CA12: variants seen among roughly 807,000 people sequenced by gnomAD.
CA12 encodes the protein carbonate dehydratase XII.
Under a neutral mutation model 46.8 loss-of-function variants are expected in CA12, and 36 were observed. The ratio of observed to expected loss-of-function variants is 0.77; its 90% CI spans 0.59 to 1.02. CA12 has a LOEUF of 1.02. Ranked by LOEUF, CA12 falls within the 50% of genes least tolerant of loss-of-function variation. The pLI, the probability that CA12 is intolerant of heterozygous loss-of-function variation, is 0.00. For synonymous variants in CA12, 202 were observed against 187.0 expected (o/e 1.08, Z -0.65); for missense variants, 436 against 451.4 (o/e 0.97, Z 0.31).
rs904387255 is a variant in CA12, at chr15:63,329,884, G to A, written c.875-1754C>T. 1.3e-4 allele frequency among the ~76,000 whole-genome samples: 20 copies of A among 152,294 alleles called. No homozygotes were observed. Among genetic ancestry groups the A allele is most frequent in the South Asian group, 8.3e-4 (4 of 4,826 alleles). ...GCTGATTCCCCAGGAGCCATCAGCCGTGTGCTTTTCCGATTGTCTTTTTCT... is the reference window on the plus strand; with the variant it reads ...GCTGATTCCCCAGGAGCCATCAGCCATGTGCTTTTCCGATTGTCTTTTTCT... On this transcript the variant is annotated intron_variant, in intron 8 of 10. Coordinates refer to ENST00000178638, the MANE Select transcript of CA12 (RefSeq NM_001218.5). The surrounding 1 kb of genome is among the most constrained non-coding windows in gnomAD (Gnocchi z 4.8).
intron 4 of CA12, among the ~76,000 whole-genome samples, chr15:63,343,501 G>A (rs1325919099): frequency 1.3e-5 from 2 of 151,740 alleles, no homozygotes; most frequent in African/African-American, 4.8e-5. Flanking sequence ...GGCTGGTCTC[G>A]AACTCCTGAC....
chr15:63,356,845 A>G (rs895556227), intron 2 of CA12, among the ~76,000 whole-genome samples: 5 of 152,226 alleles, frequency 3.3e-5, no homozygotes, highest in African/African-American at 1.2e-4. Flanking sequence ...TAGATCCCAA[A>G]GTATTAAAAG....
chr15:63,337,386 C>CA (rs577095311), intron 8 of CA12, among the ~76,000 whole-genome samples: 1 of 152,100 alleles, frequency 6.6e-6, no homozygotes, highest in Non-Finnish European at 1.5e-5. Flanking sequence ...GAAAGGAACC[C>CA]AAAAAAGTGC....
In CA12 at chr15:63,327,308, A is replaced by G. The variant is rs1004161948; in HGVS notation, c.908-75T>C. On this transcript the variant is annotated intron_variant, in intron 9 of 10. Transcript: ENST00000178638. The surrounding 1 kb of genome is among the most constrained non-coding windows in gnomAD (Gnocchi z 4.5). The stretch of plus-strand genomic sequence containing the variant: ...CTTAGCCCATGGCCCCCGGGTGTGA[A>G]ATCATGGCCCAGCTGCATAATCATC... 6.3e-6 allele frequency: 7 copies of G among 1,108,982 alleles called. No homozygotes were observed. The African/African-American group carries it at 1.1e-4, about 17-fold the overall frequency. The allele number at this position is 1,108,982 out of a possible 1,614,324, so 68.7% of individuals were successfully genotyped here.
At position 63,340,369 on chromosome 15, in the gene CA12, C is replaced by G. The variant is rs746234056; in HGVS notation, c.666G>C (p.Arg222=). The change falls in exon 7 of 11, where the codon CGG becomes CGC. Residue 222 remains arginine (R), a synonymous_variant. Coordinates refer to ENST00000178638, the MANE Select transcript of CA12 (RefSeq NM_001218.5). The surrounding 1 kb of genome is among the most constrained non-coding windows in gnomAD (Gnocchi z 4.4). ...TGCAAGGGGGTGTGGTCAGGGACCC[C>G]CGGTAGCGGTAATATTCAGCGGTCC... ...PERTAEYYRY[R]GSLTTPPCNP... 2 of 1,613,948 alleles carry G rather than the reference C, an allele frequency of 1.2e-6. No individual in the cohort carries two copies. The highest frequency in any genetic ancestry group is 1.1e-5 in the South Asian group (1 of 91,082).
chr15:63,347,939 G>C (rs1025484360), intron 2 of CA12, among the ~76,000 whole-genome samples: 1 of 152,190 alleles, frequency 6.6e-6, no homozygotes, highest in African/African-American at 2.4e-5. Context: ...CCCCTGCACT[G>C]TTTCACAAGG....
chr15:63,368,781 C>T (rs1049616880), intron 2 of CA12, among the ~76,000 whole-genome samples: 2 of 152,376 alleles, frequency 1.3e-5, no homozygotes, highest in Non-Finnish European at 2.9e-5. Context: ...CAGCCCGCTG[C>T]ACCTGCGGTT....
rs974600956 is a variant in CA12, at chr15:63,325,647, A to G, written c.*638T>C. 6.4e-6 allele frequency: 1 copy of G among 155,112 alleles called. No homozygotes were observed. Among genetic ancestry groups the G allele is most frequent in the African/African-American group, 2.4e-5 (1 of 41,374 alleles). 9.6% of individuals were successfully genotyped at this position (155,112 alleles called of 1,614,324 possible). On this transcript the variant is annotated 3_prime_UTR_variant, in exon 11 of 11. Transcript: ENST00000178638. This position sits in a 1 kb window ranked among gnomAD's most constrained non-coding sequence, Gnocchi z 4.9. ...ACCTGCCATTCCCTAAGGTCTGTGCAGTGTCTGTGATCCAGAGGACAGGAC... is the reference window on the plus strand; with the variant it reads ...ACCTGCCATTCCCTAAGGTCTGTGCGGTGTCTGTGATCCAGAGGACAGGAC...
At chr15:63,346,428 G>A (rs1312222034) in intron 3 of CA12, 102 bp downstream of exon 3, 1 of 931,654 alleles carries the variant, frequency 1.1e-6, no homozygotes, top group Non-Finnish European at 1.7e-6. Flanking sequence ...CCTCCTCCTG[G>A]ATGCTTCCAC....
rs183746034 is a variant in CA12 at position 63,348,862 on chromosome 15, G to C, written c.107-2153C>G. Among the ~76,000 whole-genome samples, 876 of 152,288 alleles carry C rather than the reference G, an allele frequency of 5.8e-3. 6 individuals are homozygous for C. Among genetic ancestry groups the C allele is most frequent in the Non-Finnish European group, 0.01 (685 of 68,010 alleles). On this transcript the variant is annotated intron_variant, in intron 2 of 10. Transcript: ENST00000178638. This position sits in a 1 kb window ranked among gnomAD's most constrained non-coding sequence, Gnocchi z 4.6. ...TTTAGGAAACATTTTCCCAAAGAGT[G>C]AAAAAGAACAGAGGGCTTGGGAAAA...
rs1032534154 is a variant in CA12, at chr15:63,378,745, A to G, written c.85+2891T>C. 3.9e-5 allele frequency: 6 copies of G among 152,268 alleles called. No homozygotes were observed. Among genetic ancestry groups the G allele is most frequent in the Non-Finnish European group, 7.3e-5 (5 of 68,052 alleles). 9.4% of individuals were successfully genotyped at this position (152,268 alleles called of 1,614,324 possible). A position where few individuals can be genotyped will look rare whatever the true frequency, so the allele number is the denominator to read the frequency against. Reference sequence around the variant, plus strand: ...CCAGACCTTAGAGATATAATAAGCCAGATCATTACCTCTTAGCAGGCAGAA... The same window carrying G: ...CCAGACCTTAGAGATATAATAAGCCGGATCATTACCTCTTAGCAGGCAGAA... On this transcript the variant is annotated intron_variant, in intron 1 of 10. Transcript: ENST00000178638. This position sits in a 1 kb window ranked among gnomAD's most constrained non-coding sequence, Gnocchi z 4.8.
chr15:63,326,502 G>A (rs2038868969), intron 10 of CA12, 145 bp from the exon 11 acceptor site: 3 of 706,294 alleles, frequency 4.2e-6, no homozygotes, highest in Non-Finnish European at 7.7e-6. Flanking sequence ...GGTCTTGGGA[G>A]GGAGTGTCAC....
In CA12 at chr15:63,340,639, T is replaced by C. The variant is rs1157541798; in HGVS notation, c.589+81A>G. 5 of 1,482,110 alleles carry C rather than the reference T, an allele frequency of 3.4e-6. No individual in the cohort carries two copies. Among genetic ancestry groups the C allele is most frequent in the Non-Finnish European group, 1.9e-6 (2 of 1,060,038 alleles). The allele number at this position is 1,482,110 out of a possible 1,614,324, so 91.8% of individuals were successfully genotyped here. On this transcript the variant is annotated intron_variant, in intron 6 of 10. Coordinates refer to ENST00000178638, the MANE Select transcript of CA12 (RefSeq NM_001218.5). This position sits in a 1 kb window ranked among gnomAD's most constrained non-coding sequence, Gnocchi z 4.4. The stretch of plus-strand genomic sequence containing the variant: ...GAACACAGACAGCACCTGCCCCTTG[T>C]GTTTGCTTTTCTTAAAGTCACACAG...
rs550791974 is a variant in CA12, at chr15:63,338,787, C to A, written c.874+32G>T. On this transcript the variant is annotated intron_variant, in intron 8 of 10. Coordinates refer to ENST00000178638, the MANE Select transcript of CA12 (RefSeq NM_001218.5). ...CCAATGTCTTGGCACCACACTCCCG[C>A]ACCCCCTCCCCCCAGCACTGCCTCT... 3.1e-6 allele frequency: 5 copies of A among 1,613,142 alleles called. No homozygotes were observed. The East Asian group carries it at 8.9e-5, about 29-fold the overall frequency.
chr15:63,347,155 G>A (rs904121814), intron 2 of CA12, among the ~76,000 whole-genome samples: 13 of 152,198 alleles, frequency 8.5e-5, no homozygotes, highest in Admixed American at 6.5e-4. Context: ...GCAAATCTGC[G>A]GGGCCACCCC....
intron 2 of CA12, among the ~76,000 whole-genome samples, chr15:63,368,274 C>G (rs1005624506): frequency 6.6e-6 from 1 of 152,186 alleles, no homozygotes; most frequent in Non-Finnish European, 1.5e-5. Context: ...CAGGTGCTAT[C>G]TCTCTTTCTT....
intron 1 of CA12, among the ~76,000 whole-genome samples, chr15:63,375,983 A>G (rs545418562): frequency 6.7e-6 from 1 of 149,940 alleles, no homozygotes; most frequent in East Asian, 1.9e-4. Flanking sequence ...TTAATTTTGT[A>G]TTTTTAGTAG....
Position 63,355,796 on chromosome 15 carries a change from A to G in CA12, c.107-9087T>C, listed in dbSNP as rs2039287957. ...TATCCTCCTTCATCTTCCTTGGCCC[A>G]TTCATGTGAGGAATCGTGCTAGATG... On this transcript the variant is annotated intron_variant, in intron 2 of 10. Transcript: ENST00000178638. The surrounding 1 kb of genome is among the most constrained non-coding windows in gnomAD (Gnocchi z 4.1). Among the ~76,000 whole-genome samples the G allele has an allele frequency of 6.6e-6, 1 of 152,152 alleles. No homozygotes were observed. The highest frequency in any genetic ancestry group is 2.4e-5 in the African/African-American group (1 of 41,446).
At chr15:63,376,600 T>TTCTTTCTTTCTTTCTTTTTCTTTC (rs10623502) in intron 1 of CA12, among the ~76,000 whole-genome samples, 1 of 134,094 alleles carries the variant, frequency 7.5e-6, no homozygotes, top group African/African-American at 2.7e-5. Context: ...CTTTCTTTCT[T>TTCTTTCTTTCTTTCTTTTTCTTTC]TCTCTCTCTC....
Sources: gnomAD v4.1 joint callset for allele counts (sites outside exome capture counted in the v4.1 genomes callset) on GRCh38, gnomAD v4.1.1 for gene constraint, Gnocchi (gnomAD v3.1) non-coding constraint, MANE v1.5 for transcripts, NCBI Gene and HGNC (gene_info 2026-07-23, HGNC 2026-07-21) for gene names.